STXBP4: variants seen among roughly 807,000 people sequenced by gnomAD.
The protein encoded by STXBP4 is syntaxin binding protein 4, also known as syntaxin-binding protein 4.
A neutral mutation model predicts 76.1 loss-of-function variants in STXBP4; 55 were observed. The ratio of observed to expected loss-of-function variants is 0.72; its 90% CI spans 0.58 to 0.91. The LOEUF is 0.91. Ranked by LOEUF, STXBP4 falls within the 40% of genes least tolerant of loss-of-function variation. The pLI is 0.00. For missense variants in STXBP4, 618 were observed against 636.9 expected, an observed-to-expected ratio of 0.97 and a Z score of 0.32; for synonymous variants, 201 against 220.2, an observed-to-expected ratio of 0.91 and a Z score of 0.77.
intron 4 of STXBP4, among the ~76,000 whole-genome samples, chr17:54,997,555 AAT>A (rs1408901707): frequency 9.6e-5 from 14 of 145,792 alleles, no homozygotes; most frequent in South Asian, 4.2e-4. Flanking sequence ...ATATAATATA[AAT>A]ATATATATTA....
downstream of STXBP4, among the ~76,000 whole-genome samples, chr17:55,176,768 A>G (rs181352531): frequency 5.5e-4 from 84 of 152,300 alleles, no homozygotes; most frequent in Middle Eastern, 0.01. Flanking sequence ...ATGTGGGTGA[A>G]TATCATCCAA....
the STXBP4 span, among the ~76,000 whole-genome samples, chr17:55,198,619 T>G: frequency 6.6e-6 from 1 of 152,228 alleles, no homozygotes; most frequent in Admixed American, 6.5e-5. Context: ...GAGTAATTTT[T>G]GGGATTCACT....
chr17:55,095,475 A>G (rs1051538236), intron 16 of STXBP4, among the ~76,000 whole-genome samples: 3 of 152,216 alleles, frequency 2.0e-5, no homozygotes, highest in African/African-American at 7.2e-5. Context: ...ACATGAGGAC[A>G]AAGTATTAAC....
At chr17:55,073,128 A>G in intron 13 of STXBP4, 52 bp downstream of exon 13, 1 of 1,552,940 alleles carries the variant, frequency 6.4e-7, no homozygotes, top group African/African-American at 1.4e-5. Flanking sequence ...TGCCGTTGTC[A>G]TGTATCCTGT....
At chr17:55,185,440 G>A in the STXBP4 span, among the ~76,000 whole-genome samples, 2 of 151,406 alleles carry the variant, frequency 1.3e-5, no homozygotes, top group Non-Finnish European at 2.9e-5. Context: ...TCTCAAGTGG[G>A]GTGTGTGTAC....
chr17:54,970,936 T>A (rs1289216916), intron 1 of STXBP4, among the ~76,000 whole-genome samples: 3 of 152,220 alleles, frequency 2.0e-5, no homozygotes, highest in Non-Finnish European at 4.4e-5. Context: ...AGTATGATAA[T>A]GTGAAATGAC....
chr17:55,092,203 G>A (rs2079424067), intron 16 of STXBP4, among the ~76,000 whole-genome samples: 1 of 152,274 alleles, frequency 6.6e-6, no homozygotes, highest in Non-Finnish European at 1.5e-5. Flanking sequence ...CACATTGGGT[G>A]CAGTGTACAC....
At chr17:54,991,554 G>T (rs2077716849) in intron 4 of STXBP4, 1 of 151,972 alleles carries the variant, frequency 6.6e-6, no homozygotes, top group Non-Finnish European at 1.5e-5. Context: ...GACAACCCCA[G>T]CAGTTTAACA....
intron 12 of STXBP4, among the ~76,000 whole-genome samples, chr17:55,066,225 TTTGTTTTG>T (rs761623202): frequency 2.6e-5 from 4 of 151,966 alleles, no homozygotes; most frequent in Non-Finnish European, 5.9e-5. Context: ...TTTGTTTTGT[TTTGTTTTG>T]TTTTGTTTGA....
At chr17:55,204,897 C>T in the STXBP4 span, among the ~76,000 whole-genome samples, 1 of 151,770 alleles carries the variant, frequency 6.6e-6, no homozygotes, top group East Asian at 1.9e-4. Flanking sequence ...TACACATATA[C>T]ATCTATATTT....
chr17:55,177,156 G>A (rs1408170201), downstream of STXBP4, among the ~76,000 whole-genome samples: 3 of 152,104 alleles, frequency 2.0e-5, no homozygotes, highest in African/African-American at 7.2e-5. Flanking sequence ...TGATACATAT[G>A]AAGATACTGG....
intron 13 of STXBP4, among the ~76,000 whole-genome samples, chr17:55,077,283 G>A (rs1222922853): frequency 6.6e-6 from 1 of 152,130 alleles, no homozygotes; most frequent in Non-Finnish European, 1.5e-5. Flanking sequence ...TCTCTCCAGA[G>A]TTTTGAGTTT....
chr17:54,971,181 C>G (rs9896044), intron 1 of STXBP4, among the ~76,000 whole-genome samples: 42,175 of 152,062 alleles, frequency 0.28, 6,070 homozygotes, highest in African/African-American at 0.34. Flanking sequence ...TTGTTTATTT[C>G]CTATTACAAG....
intron 1 of STXBP4, among the ~76,000 whole-genome samples, chr17:54,984,339 CTTTTTTTTTTTTTTT>C (rs60222961): frequency 1.2e-5 from 1 of 81,200 alleles, no homozygotes; most frequent in African/African-American, 4.1e-5. Flanking sequence ...TTTCTTTTTT[CTTTTTTTTTTTTTTT>C]TTTTTTGAGA....
At chr17:55,190,307 G>A in the STXBP4 span, among the ~76,000 whole-genome samples, 2 of 152,178 alleles carry the variant, frequency 1.3e-5, no homozygotes, top group Non-Finnish European at 2.9e-5. Context: ...CATGTGTGAT[G>A]AGCATTTTGA....
chr17:55,118,269 G>T (rs563497482), intron 16 of STXBP4, among the ~76,000 whole-genome samples: 1 of 152,036 alleles, frequency 6.6e-6, no homozygotes, highest in African/African-American at 2.4e-5. Flanking sequence ...AGAAAAGTCT[G>T]TCTTCATAGT....
At chr17:55,060,907 G>A (rs982682753) in intron 12 of STXBP4, among the ~76,000 whole-genome samples, 3 of 152,162 alleles carry the variant, frequency 2.0e-5, no homozygotes, top group Admixed American at 1.3e-4. Context: ...ACCTAAGGCA[G>A]CAATGAATTG....
At chr17:55,023,016 A>G (rs183741426) in intron 8 of STXBP4, among the ~76,000 whole-genome samples, 2 of 152,358 alleles carry the variant, frequency 1.3e-5, no homozygotes, top group East Asian at 1.9e-4. Context: ...TTTCAAATGT[A>G]TATCTGGAAA....
chr17:54,989,987 G>GT (rs1216192493), intron 3 of STXBP4, among the ~76,000 whole-genome samples: 1 of 152,166 alleles, frequency 6.6e-6, no homozygotes, highest in Non-Finnish European at 1.5e-5. Flanking sequence ...AAAATATTTA[G>GT]TTTTGGAATT....
Sources: gnomAD v4.1 joint callset for allele counts (sites outside exome capture counted in the v4.1 genomes callset) on GRCh38, gnomAD v4.1.1 for gene constraint, MANE v1.5 for transcripts, NCBI Gene and HGNC (gene_info 2026-07-23, HGNC 2026-07-21) for gene names.